DNAH2: variants seen among roughly 807,000 people sequenced by gnomAD.
The protein encoded by DNAH2 is dynein axonemal heavy chain 2.
Under a neutral mutation model 523.5 loss-of-function variants are expected in DNAH2, and 323 were observed. That is an observed-to-expected ratio of 0.62 (90% CI 0.56 to 0.68). The LOEUF is 0.68. Among genes scored for constraint, DNAH2 ranks in the 30% least tolerant of loss-of-function variants. DNAH2 has a pLI of 0.00. For synonymous variants in DNAH2, 2,093 were observed against 2,177.4 expected (o/e 0.96, Z 1.08); for missense variants, 4,907 against 5,701.5 (o/e 0.86, Z 4.49).
At chr17:7,743,468 A>G (rs2075418657) in intron 12 of DNAH2, 2 of 658,602 alleles carry the variant, frequency 3.0e-6, no homozygotes, top group Non-Finnish European at 5.4e-6. Flanking sequence ...GAGTTTGAGA[A>G]CAGCCTGGGC....
chr17:7,814,353 T>G lies in DNAH2; in HGVS notation c.9730-2218T>G, dbSNP rs1021373594. Among the ~76,000 whole-genome samples, 3 of 152,112 alleles carry G rather than the reference T, an allele frequency of 2.0e-5. No individual in the cohort carries two copies. The South Asian group carries it at 6.2e-4, about 31-fold the overall frequency. On this transcript the variant is annotated intron_variant, in intron 63 of 85. Coordinates refer to ENST00000572933, the MANE Select transcript of DNAH2 (RefSeq NM_020877.5). ...CTTGAGGATTTCATGAGTTTTTAAT[T>G]TACTTAAAGATATTTTGGCAAAAAA...
At chr17:7,769,799 G>A (rs144783467) in intron 24 of DNAH2, among the ~76,000 whole-genome samples, 98 of 152,140 alleles carry the variant, frequency 6.4e-4, no homozygotes, top group African/African-American at 2.3e-3. Flanking sequence ...CCAGTATAAC[G>A]TTTTTGGCAA....
At chr17:7,794,194 C>T (rs1312078037) in intron 48 of DNAH2, 60 bp from the exon 49 acceptor site, 7 of 1,272,308 alleles carry the variant, frequency 5.5e-6, no homozygotes, top group Admixed American at 2.4e-5. Context: ...TGGCCTGTGT[C>T]GGCGCCTCTC....
intron 51 of DNAH2, 48 bp from the exon 52 acceptor site, chr17:7,797,352 C>T (rs746133509): frequency 1.2e-6 from 2 of 1,613,784 alleles, no homozygotes; most frequent in South Asian, 1.1e-5. Context: ...CTTCCCCAGG[C>T]CATTCTCCTC....
chr17:7,772,963 G>A (rs1200445947), intron 28 of DNAH2, among the ~76,000 whole-genome samples: 2 of 151,790 alleles, frequency 1.3e-5, no homozygotes, highest in South Asian at 2.1e-4. Flanking sequence ...TAGTAGAGAC[G>A]GTGTTTCACC....
In DNAH2 at chr17:7,764,234, T is replaced by C; in HGVS notation, c.3297T>C (p.Phe1099=). The change falls in exon 20 of 86, where the codon TTT becomes TTC. Residue 1099 remains phenylalanine (F), a synonymous_variant. Transcript: ENST00000572933. The part of the protein sequence containing the change: ...ETQIPPIHEQ[F]AILEKYEVPV... ...AGATCCCTCCCATACACGAGCAATT[T>C]GCCATTCTTGAAAAGTACGAGGTGC... The C allele has an allele frequency of 6.2e-7, 1 of 1,613,536 alleles. No individual in the cohort carries two copies. The highest frequency in any genetic ancestry group is 8.5e-7 in the Non-Finnish European group (1 of 1,179,696).
In DNAH2 at chr17:7,758,994, G is replaced by A; in HGVS notation, c.2318G>A (p.Arg773Lys). 2 of 1,614,192 alleles carry A rather than the reference G, an allele frequency of 1.2e-6. No individual in the cohort carries two copies. The highest frequency in any genetic ancestry group is 1.7e-6 in the Non-Finnish European group (2 of 1,180,042). Residue 773 changes from arginine (R) to lysine (K), a missense_variant, in exon 15 of 86, where the codon AGG becomes AAG. Around this residue, in one of 3 missense-constraint regions of DNAH2, gnomAD observed 2,806 missense variants for 3,190.8 expected, o/e 0.88. Coordinates refer to ENST00000572933, the MANE Select transcript of DNAH2 (RefSeq NM_020877.5). ...CGCATTAGTGGCAAACGGGTATACA[G>A]GGACCTGGAATTTGAAGAGGACCAA... ...LVRISGKRVY[R>K]DLEFEEDQRE...
chr17:7,740,585 C>T (rs2075283030), intron 10 of DNAH2, 36 bp downstream of exon 10: 3 of 1,607,970 alleles, frequency 1.9e-6, no homozygotes, highest in Admixed American at 1.7e-5. Flanking sequence ...GCTTCCCGTC[C>T]CGCGTGCTTT....
Position 7,793,055 on chromosome 17 carries a change from C to T in DNAH2, c.7419C>T (p.Phe2473=), listed in dbSNP as rs372173393. ...EKRTKGVYVP[F]GGKSMITFMD... Reference sequence around the variant, plus strand: ...GAACCAAGGGTGTCTACGTGCCATTCGGGGGCAAAAGCATGATCACCTTTA... The same window carrying T: ...GAACCAAGGGTGTCTACGTGCCATTTGGGGGCAAAAGCATGATCACCTTTA... Residue 2473 remains phenylalanine (F), a synonymous_variant, in exon 48 of 86, where the codon TTC becomes TTT. Transcript: ENST00000572933. 5.0e-6 allele frequency: 8 copies of T among 1,614,030 alleles called. No homozygotes were observed. The African/African-American group carries it at 5.3e-5, about 11-fold the overall frequency.
intron 53 of DNAH2, 48 bp downstream of exon 53, chr17:7,797,877 G>A (rs764980432): frequency 6.4e-7 from 1 of 1,562,866 alleles, no homozygotes; most frequent in South Asian, 1.2e-5. Context: ...TCAGTGATGG[G>A]GTATGTCTAA....
Position 7,817,592 on chromosome 17 carries a change from C to T in DNAH2, c.10052C>T (p.Ser3351Phe), listed in dbSNP as rs1396208682. The T allele has an allele frequency of 6.2e-7, 1 of 1,614,190 alleles. No individual in the cohort carries two copies. The highest frequency in any genetic ancestry group is 8.5e-7 in the Non-Finnish European group (1 of 1,180,028). ...GAGCTTCAGGTTCCTTGCTCCCCTT[C>T]TTTCGCCATCGATAACTTCCTGTGC... ...IWELQVPCSP[S>F]FAIDNFLCNP... Residue 3351 changes from serine to phenylalanine, a missense_variant, in exon 66 of 86, where the codon TCT becomes TTT. Physicochemically the swap from Ser to Phe is radical, Grantham distance 155 (BLOSUM62 -2). This residue lies in a region of DNAH2 where 1,851 missense variants were observed against 2,139.4 expected (regional missense o/e 0.87). Transcript: ENST00000572933.
intron 22 of DNAH2, among the ~76,000 whole-genome samples, chr17:7,766,808 T>C (rs183672316): frequency 2.0e-5 from 3 of 151,872 alleles, no homozygotes; most frequent in African/African-American, 7.2e-5. Flanking sequence ...CCACTATGCA[T>C]GGCTAATTTT....
At chr17:7,731,752 G>T (rs2151133440) in intron 4 of DNAH2, among the ~76,000 whole-genome samples, 1 of 152,210 alleles carries the variant, frequency 6.6e-6, no homozygotes, top group East Asian at 1.9e-4. Context: ...GACATGGCCG[G>T]GCACAGTGGC....
At chr17:7,740,287 T>C in intron 9 of DNAH2, 133 bp from the exon 10 acceptor site, 2 of 1,346,100 alleles carry the variant, frequency 1.5e-6, no homozygotes, top group African/African-American at 1.5e-5. Flanking sequence ...TGGATTCATG[T>C]AGGTAAAGTA....
chr17:7,757,351 TCCATCTC>T, intron 13 of DNAH2, 114 bp downstream of exon 13: 2 of 1,366,186 alleles, frequency 1.5e-6, no homozygotes, highest in African/African-American at 3.1e-5. Context: ...CTACATCTTT[TCCATCTC>T]AAAAAAAAAA....
At chr17:7,812,683 G>A (rs888358272) in intron 63 of DNAH2, among the ~76,000 whole-genome samples, 7 of 150,654 alleles carry the variant, frequency 4.6e-5, no homozygotes, top group African/African-American at 1.7e-4. Context: ...CACTCTGGGA[G>A]GCCGAGGTGT....
Position 7,774,746 on chromosome 17 carries a change from CT to C in DNAH2, c.4502-12del, listed in dbSNP as rs768707668. On this transcript the variant is annotated splice_polypyrimidine_tract_variant and intron_variant, in intron 28 of 85. Transcript: ENST00000572933. ...GAAATGAATCAAATGTCATTCATCG[CT>C]CTTCTTCCCAGGCCTCCTGGACACA... The C allele has an allele frequency of 1.2e-6, 2 of 1,609,996 alleles. No individual in the cohort carries two copies. Among genetic ancestry groups the C allele is most frequent in the Non-Finnish European group, 1.7e-6 (2 of 1,177,046 alleles).
chr17:7,742,313 C>T lies in DNAH2; in HGVS notation c.1690-615C>T, dbSNP rs550918632. ...AGGTGTGGTGGCGGGCACCTGTAAT[C>T]CCAGCTATTTGGGAGGCTAAGGCAG... On this transcript the variant is annotated intron_variant, in intron 11 of 85. Transcript: ENST00000572933. 3.1e-3 allele frequency among the ~76,000 whole-genome samples: 478 copies of T among 152,164 alleles called. 3 individuals are homozygous for T. Among genetic ancestry groups the T allele is most frequent in the Middle Eastern group, 0.027 (8 of 294 alleles).
chr17:7,734,153 G>A (rs992205932), intron 5 of DNAH2, 30 bp from the exon 6 acceptor site: 2 of 1,555,136 alleles, frequency 1.3e-6, no homozygotes. Flanking sequence ...CATCCCCTCT[G>A]TCCACTTCCA....
Sources: allele counts gnomAD v4.1 joint callset (sites outside exome capture counted in the v4.1 genomes callset), GRCh38; gene constraint gnomAD v4.1.1; regional missense constraint gnomAD v4.1.1; transcripts MANE v1.5; gene names NCBI Gene and HGNC (gene_info 2026-07-23, HGNC 2026-07-21).